Variants in RTL4 observed in about 807,000 individuals in gnomAD.
RTL4 encodes the protein retrotransposon Gag-like protein 4.
In RTL4, 4 loss-of-function variants were observed where a neutral mutation model predicts 5.3. That is an observed-to-expected ratio of 0.75 (90% CI 0.37 to 1.72). RTL4 has a LOEUF of 1.72. Ranked by LOEUF, RTL4 falls within the 40% of genes most tolerant of loss-of-function variation. The pLI is 0.04. For synonymous variants in RTL4, 98 were observed against 87.3 expected (o/e 1.12, Z -0.68); for missense variants, 260 against 227.1 (o/e 1.14, Z -0.93).
At chrX:112,448,004 G>A in the RTL4 span, among the ~76,000 whole-genome samples, 1 of 111,172 alleles carries the variant, frequency 9.0e-6, no homozygotes, top group Non-Finnish European at 1.9e-5. Flanking sequence ...CCTTGACCAG[G>A]GGCACAGATT....
the RTL4 span, among the ~76,000 whole-genome samples, chrX:112,380,145 G>A: frequency 3.3e-5 from 3 of 90,483 alleles, no homozygotes; most frequent in African/African-American, 1.6e-4. Context: ...CAAGCATGAA[G>A]ATCAATTTTT....
chrX:112,325,258 C>G, the RTL4 span, among the ~76,000 whole-genome samples: 5 of 111,710 alleles, frequency 4.5e-5, no homozygotes, highest in Non-Finnish European at 9.4e-5. Context: ...CCATTCCCAT[C>G]AAGCTACCAA....
chrX:112,363,746 C>T, the RTL4 span, among the ~76,000 whole-genome samples: 1 of 111,083 alleles, frequency 9.0e-6, no homozygotes, highest in Non-Finnish European at 1.9e-5. Flanking sequence ...GCACCATTAA[C>T]CTTCAGCACC....
chrX:112,204,077 C>T, the RTL4 span, among the ~76,000 whole-genome samples: 1 of 112,563 alleles, frequency 8.9e-6, no homozygotes, highest in East Asian at 2.8e-4. Flanking sequence ...AGAAAAGGTG[C>T]TCAACATAAT....
At chrX:112,232,303 A>AT in the RTL4 span, among the ~76,000 whole-genome samples, 1 of 112,178 alleles carries the variant, frequency 8.9e-6, no homozygotes, top group Admixed American at 9.4e-5. Context: ...TTGAGCCTCC[A>AT]TATGTAAAGT....
chrX:112,153,278 AATAGTCAT>A, the RTL4 span, among the ~76,000 whole-genome samples: 27 of 111,870 alleles, frequency 2.4e-4, no homozygotes, highest in Non-Finnish European at 4.0e-4. Context: ...CTGAAGAAAA[AATAGTCAT>A]TCATAGTAGA....
chrX:112,341,017 G>A, the RTL4 span, among the ~76,000 whole-genome samples: 2,011 of 111,444 alleles, frequency 0.018, 49 homozygotes, highest in African/African-American at 0.061. Flanking sequence ...CACACCTGGC[G>A]TAGTAAAAGC....
chrX:112,107,013 T>C, the RTL4 span, among the ~76,000 whole-genome samples: 3 of 111,964 alleles, frequency 2.7e-5, no homozygotes, highest in African/African-American at 6.5e-5. Context: ...AGAAGTTTTT[T>C]AGTTTGATGT....
At chrX:112,328,029 C>A in the RTL4 span, among the ~76,000 whole-genome samples, 1 of 107,417 alleles carries the variant, frequency 9.3e-6, no homozygotes, top group Non-Finnish European at 1.9e-5. Context: ...AAAGGAACAA[C>A]CGGTACCAGC....
the RTL4 span, among the ~76,000 whole-genome samples, chrX:112,175,358 T>C: frequency 9.5e-6 from 1 of 104,939 alleles, no homozygotes; most frequent in Non-Finnish European, 1.9e-5. Context: ...ATTGCTTGTT[T>C]TTCTCAGGTT....
the RTL4 span, among the ~76,000 whole-genome samples, chrX:112,256,047 C>T: frequency 3.6e-5 from 4 of 111,811 alleles, no homozygotes; most frequent in South Asian, 3.7e-4. Context: ...AAAAATGCCA[C>T]GATATAATTC....
At chrX:112,434,119 G>T in the RTL4 span, among the ~76,000 whole-genome samples, 149 of 104,329 alleles carry the variant, frequency 1.4e-3, 2 homozygotes, top group Admixed American at 0.015. Context: ...TTGATGTGCT[G>T]CTGGATTCAG....
chrX:112,201,053 G>A, the RTL4 span, among the ~76,000 whole-genome samples: 1 of 111,782 alleles, frequency 8.9e-6, no homozygotes, highest in African/African-American at 3.3e-5. Context: ...TTGACTTACA[G>A]TTCAGCACTG....
At chrX:112,225,779 A>G in the RTL4 span, among the ~76,000 whole-genome samples, 4 of 112,001 alleles carry the variant, frequency 3.6e-5, no homozygotes, top group African/African-American at 1.3e-4. Flanking sequence ...TTTAAGGTCC[A>G]CTGCCCCAAA....
At chrX:112,228,006 C>T in the RTL4 span, among the ~76,000 whole-genome samples, 163 of 111,520 alleles carry the variant, frequency 1.5e-3, 3 homozygotes, top group East Asian at 0.031. Context: ...ACTTCACTCT[C>T]TGCTAGTCTG....
At chrX:112,138,906 C>T in the RTL4 span, among the ~76,000 whole-genome samples, 1 of 111,434 alleles carries the variant, frequency 9.0e-6, no homozygotes. Flanking sequence ...ATACTATTAA[C>T]TATAGACTTT....
At chrX:112,241,165 T>C in the RTL4 span, among the ~76,000 whole-genome samples, 1 of 111,382 alleles carries the variant, frequency 9.0e-6, no homozygotes, top group African/African-American at 3.3e-5. Context: ...ACAAATACCA[T>C]AAAGATTATA....
At chrX:112,182,287 A>T in the RTL4 span, among the ~76,000 whole-genome samples, 21 of 111,897 alleles carry the variant, frequency 1.9e-4, no homozygotes, top group African/African-American at 5.8e-4. Context: ...CCTCCAAAGG[A>T]TCATAACTCC....
the RTL4 span, among the ~76,000 whole-genome samples, chrX:112,213,322 G>C: frequency 2.7e-5 from 3 of 112,817 alleles, no homozygotes; most frequent in African/African-American, 6.4e-5. Context: ...TTATGGGGAA[G>C]ATTAAATGAG....
Sources: allele counts gnomAD v4.1 joint callset (sites outside exome capture counted in the v4.1 genomes callset), GRCh38; gene constraint gnomAD v4.1.1; transcripts MANE v1.5; gene names NCBI Gene and HGNC (gene_info 2026-07-23, HGNC 2026-07-21).